LHFPL3: variants seen among roughly 807,000 people sequenced by gnomAD.
LHFPL3 encodes LHFPL tetraspan subfamily member 3.
A neutral mutation model predicts 19.3 loss-of-function variants in LHFPL3; 5 were observed. The observed-to-expected ratio is 0.26, with a 90% confidence interval of 0.14 to 0.54. The LOEUF (loss-of-function observed/expected upper bound fraction) is 0.54. LHFPL3 is among the 20% of genes least tolerant of loss of function. LHFPL3 has a pLI of 0.94. For missense variants in LHFPL3, 249 were observed against 307.4 expected (o/e 0.81, Z 1.42); for synonymous variants, 133 against 126.2 (o/e 1.05, Z -0.36).
At chr7:104,590,432 T>A (rs1436311089) in intron 1 of LHFPL3, among the ~76,000 whole-genome samples, 3 of 152,202 alleles carry the variant, frequency 2.0e-5, no homozygotes, top group South Asian at 2.1e-4. Context: ...TTTGAGTGAG[T>A]TTCTTAATCC....
rs1790368609 is a variant in LHFPL3 at position 104,360,389 on chromosome 7, G to GCCA, written c.445+31166_445+31168dup. 7.9e-5 allele frequency among the ~76,000 whole-genome samples: 12 copies of GCCA among 152,286 alleles called. No homozygotes were observed. The South Asian group carries it at 2.5e-3, about 32-fold the overall frequency. The stretch of plus-strand genomic sequence containing the variant: ...CTTTATCGTACCTGGCACAGAACTT[G>GCCA]CCATAAAGTAAGATCTTAATGAATG... On this transcript the variant is annotated intron_variant, in intron 1 of 2. Coordinates refer to ENST00000424859, the MANE Select transcript of LHFPL3 (RefSeq NM_199000.3).
At chr7:104,389,811 A>T (rs1391490896) in intron 1 of LHFPL3, among the ~76,000 whole-genome samples, 2 of 152,204 alleles carry the variant, frequency 1.3e-5, no homozygotes, top group Non-Finnish European at 2.9e-5. Flanking sequence ...CTGGATAGTC[A>T]TATGTAAAAG....
At chr7:104,721,696 C>T (rs894642096) in intron 1 of LHFPL3, among the ~76,000 whole-genome samples, 2 of 152,124 alleles carry the variant, frequency 1.3e-5, no homozygotes, top group African/African-American at 4.8e-5. Flanking sequence ...GTAACTCATT[C>T]CACTGCCATG....
intron 1 of LHFPL3, among the ~76,000 whole-genome samples, chr7:104,675,177 C>A (rs1562963360): frequency 1.3e-5 from 2 of 152,174 alleles, no homozygotes; most frequent in Admixed American, 6.5e-5. Context: ...AACATCTGAG[C>A]AGAGGGAAGA....
At chr7:104,438,561 C>A (rs948388121) in intron 1 of LHFPL3, among the ~76,000 whole-genome samples, 2 of 151,960 alleles carry the variant, frequency 1.3e-5, no homozygotes, top group Non-Finnish European at 2.9e-5. Flanking sequence ...TACAACATAT[C>A]AAATATTGGG....
At chr7:104,522,139 A>G (rs1225867317) in intron 1 of LHFPL3, among the ~76,000 whole-genome samples, 1 of 152,094 alleles carries the variant, frequency 6.6e-6, no homozygotes, top group Non-Finnish European at 1.5e-5. Context: ...AACCAACCCA[A>G]ATGTCCAACA....
chr7:104,887,279 C>G (rs1792168137), intron 2 of LHFPL3, among the ~76,000 whole-genome samples: 1 of 152,130 alleles, frequency 6.6e-6, no homozygotes, highest in Admixed American at 6.6e-5. Context: ...AGCTTGGGTT[C>G]CCCCATAGAT....
chr7:104,858,948 T>C (rs1791561924), intron 2 of LHFPL3, among the ~76,000 whole-genome samples: 1 of 95,310 alleles, frequency 1.0e-5, no homozygotes, highest in Non-Finnish European at 2.2e-5. Context: ...TTTTCACTCC[T>C]AAAATTTTAT....
intron 2 of LHFPL3, among the ~76,000 whole-genome samples, chr7:104,862,040 G>C (rs1024923322): frequency 3.3e-5 from 5 of 152,092 alleles, no homozygotes; most frequent in African/African-American, 1.2e-4. Context: ...TCTGGCAAGC[G>C]ATGCTGCCGA....
chr7:104,513,711 G>A (rs1793865899), intron 1 of LHFPL3, among the ~76,000 whole-genome samples: 1 of 152,086 alleles, frequency 6.6e-6, no homozygotes, highest in African/African-American at 2.4e-5. Context: ...CTCCATTTTG[G>A]CTGTACATCA....
intron 1 of LHFPL3, among the ~76,000 whole-genome samples, chr7:104,704,200 C>G (rs906841123): frequency 7.2e-5 from 11 of 152,134 alleles, no homozygotes; most frequent in African/African-American, 2.7e-4. Context: ...TTGAAAAACA[C>G]TACAAAGCAG....
Position 104,736,843 on chromosome 7 carries a change from T to G in LHFPL3, c.614T>G (p.Phe205Cys). 1 of 1,612,894 alleles carries G rather than the reference T, an allele frequency of 6.2e-7. No individual in the cohort carries two copies. The highest frequency in any genetic ancestry group is 2.2e-5 in the East Asian group (1 of 44,838). ...IGILDALILS[F>C]LAFVLGNRQD... ...ATTTTGGATGCCCTGATCCTCTCAT[T>G]TCTAGCATTTGTGCTTGGTAATCGA... Residue 205 changes from phenylalanine (F) to cysteine (C), a missense_variant, in exon 2 of 3, where the codon TTT becomes TGT. Phe to Cys is a radical substitution (Grantham distance 205). Transcript: ENST00000424859.
intron 1 of LHFPL3, among the ~76,000 whole-genome samples, chr7:104,511,661 A>G (rs991831764): frequency 6.6e-6 from 1 of 152,124 alleles, no homozygotes. Context: ...TTGTTGATAC[A>G]TGCAGTGACC....
At position 104,553,432 on chromosome 7, in the gene LHFPL3, T is replaced by C. The variant is rs547836256; in HGVS notation, c.446-183243T>C. On this transcript the variant is annotated intron_variant, in intron 1 of 2. Transcript: ENST00000424859. Reference sequence around the variant, plus strand: ...ACCTAAATAGAGTTAGGACCATCTTTTGTTGCCTAACATGGGAGGAGGGAA... The same window carrying C: ...ACCTAAATAGAGTTAGGACCATCTTCTGTTGCCTAACATGGGAGGAGGGAA... Among the ~76,000 whole-genome samples, 4 of 152,302 alleles carry C rather than the reference T, an allele frequency of 2.6e-5. No individual in the cohort carries two copies. The South Asian group carries it at 8.3e-4, about 32-fold the overall frequency.
chr7:104,601,437 C>A (rs1790965046), intron 1 of LHFPL3, among the ~76,000 whole-genome samples: 1 of 152,092 alleles, frequency 6.6e-6, no homozygotes. Context: ...TAGCAGTGAA[C>A]AAAATCTATA....
chr7:104,856,034 T>G (rs1791499712), intron 2 of LHFPL3, among the ~76,000 whole-genome samples: 1 of 152,130 alleles, frequency 6.6e-6, no homozygotes, highest in African/African-American at 2.4e-5. Context: ...TTTACCCATG[T>G]GAGAAAAAGA....
intron 1 of LHFPL3, among the ~76,000 whole-genome samples, chr7:104,515,208 A>G (rs1793897899): frequency 1.3e-5 from 2 of 152,200 alleles, no homozygotes; most frequent in Admixed American, 1.3e-4. Context: ...ATAGCAGTTT[A>G]AAAACACATC....
At chr7:104,408,882 T>TTTTTTTTTTTG (rs1344463058) in intron 1 of LHFPL3, among the ~76,000 whole-genome samples, 1 of 147,666 alleles carries the variant, frequency 6.8e-6, no homozygotes, top group African/African-American at 2.5e-5. Context: ...TTTTTTTTTT[T>TTTTTTTTTTTG]GAGACGGAGT....
At chr7:104,817,908 T>A (rs1790595726) in intron 2 of LHFPL3, among the ~76,000 whole-genome samples, 1 of 152,260 alleles carries the variant, frequency 6.6e-6, no homozygotes, top group South Asian at 2.1e-4. Context: ...TTCTGTTGGC[T>A]ATTTAATTGT....
Sources: allele counts gnomAD v4.1 joint callset (sites outside exome capture counted in the v4.1 genomes callset), GRCh38; gene constraint gnomAD v4.1.1; transcripts MANE v1.5; gene names NCBI Gene and HGNC (gene_info 2026-07-23, HGNC 2026-07-21).